The following PCDH15 variants were observed in gnomAD, a reference collection of about 807,000 sequenced individuals.
The protein encoded by PCDH15 is protocadherin-15.
Under a neutral mutation model 178.5 loss-of-function variants are expected in PCDH15, and 129 were observed. That is an observed-to-expected ratio of 0.72 (90% confidence interval 0.63 to 0.84). The LOEUF (loss-of-function observed/expected upper bound fraction) is 0.84, where lower values mean the gene tolerates loss of function less well. Ranked by LOEUF, PCDH15 falls within the 40% of genes least tolerant of loss-of-function variation. PCDH15 has a pLI of 0.00. For synonymous variants in PCDH15, 800 were observed against 732.0 expected (o/e 1.09, Z -1.50); for missense variants, 2,230 against 2,099.9 (o/e 1.06, Z -1.21).
chr10:55,417,774 A>C (rs1003170463), intron 2 of PCDH15, among the ~76,000 whole-genome samples: 1 of 151,458 alleles, frequency 6.6e-6, no homozygotes, highest in African/African-American at 2.4e-5. Flanking sequence ...GAAAAAAAAA[A>C]CAAGTGAGAT....
intron 1 of PCDH15, among the ~76,000 whole-genome samples, chr10:54,728,501 T>C (rs1942893049): frequency 6.6e-6 from 1 of 151,340 alleles, no homozygotes. Flanking sequence ...CGGCACATGC[T>C]GGAAGAATTC....
chr10:54,849,271 GTCT>G (rs1953569309), intron 3 of PCDH15, among the ~76,000 whole-genome samples: 1 of 152,044 alleles, frequency 6.6e-6, no homozygotes, highest in South Asian at 2.1e-4. Flanking sequence ...ACCTTTCTGT[GTCT>G]TCTTCTGCTT....
At chr10:55,129,624 C>T (rs1431120453) in intron 2 of PCDH15, among the ~76,000 whole-genome samples, 1 of 152,056 alleles carries the variant, frequency 6.6e-6, no homozygotes, top group Non-Finnish European at 1.5e-5. Flanking sequence ...GATAATTAAC[C>T]TCCTTTCCAA....
intron 21 of PCDH15, among the ~76,000 whole-genome samples, chr10:53,989,649 C>T (rs1460542278): frequency 2.0e-5 from 3 of 152,082 alleles, no homozygotes; most frequent in Non-Finnish European, 4.4e-5. Flanking sequence ...TTGATTATTT[C>T]CCTAACAGCT....
intron 2 of PCDH15, among the ~76,000 whole-genome samples, chr10:55,124,254 G>T (rs926498538): frequency 1.3e-5 from 2 of 152,062 alleles, no homozygotes. Context: ...TAAAGGCACA[G>T]AATTACATAG....
rs1010358374 is a variant in PCDH15 at position 53,982,473 on chromosome 10, T to A, written c.2868+13176A>T. Among the ~76,000 whole-genome samples, 40 of 152,198 alleles carry A rather than the reference T, an allele frequency of 2.6e-4. 1 individual carries two copies. The highest frequency in any genetic ancestry group is 2.3e-3 in the Admixed American group (35 of 15,280). Reference sequence around the variant, plus strand: ...AAGAAACTGTGGCACATATACAGCATGGAATACTATGCAGCCATAAAAAAT... The same window carrying A: ...AAGAAACTGTGGCACATATACAGCAAGGAATACTATGCAGCCATAAAAAAT... On this transcript the variant is annotated intron_variant, in intron 21 of 37. Coordinates refer to ENST00000644397, the MANE Select transcript of PCDH15 (RefSeq NM_001384140.1).
intron 26 of PCDH15, among the ~76,000 whole-genome samples, chr10:53,888,953 G>A (rs192953369): frequency 1.4e-5 from 2 of 144,868 alleles, no homozygotes; most frequent in East Asian, 2.0e-4. Context: ...GAGAGAACAC[G>A]TCAAGTAGAG....
intron 2 of PCDH15, among the ~76,000 whole-genome samples, chr10:54,957,201 GT>G (rs1463700041): frequency 5.3e-5 from 8 of 151,594 alleles, no homozygotes; most frequent in East Asian, 1.9e-4. Flanking sequence ...TCAAACTAAA[GT>G]ATATGAATTG....
intron 1 of PCDH15, among the ~76,000 whole-genome samples, chr10:55,302,904 T>C (rs1371150122): frequency 2.6e-5 from 4 of 152,146 alleles, no homozygotes; most frequent in Non-Finnish European, 5.9e-5. Context: ...CAACCACAAA[T>C]GCACTAACTC....
chr10:55,466,838 G>C (rs529444063), intron 2 of PCDH15, among the ~76,000 whole-genome samples: 7 of 152,036 alleles, frequency 4.6e-5, no homozygotes, highest in Non-Finnish European at 1.0e-4. Flanking sequence ...TCCCACTATG[G>C]GCAATCTTTG....
chr10:54,698,748 T>C (rs1213737680), intron 1 of PCDH15, among the ~76,000 whole-genome samples: 1 of 152,156 alleles, frequency 6.6e-6, no homozygotes, highest in Non-Finnish European at 1.5e-5. Context: ...TCTAACATTA[T>C]GCCTGGCACA....
intron 1 of PCDH15, among the ~76,000 whole-genome samples, chr10:55,216,408 C>G (rs1040301414): frequency 6.6e-6 from 1 of 151,782 alleles, no homozygotes; most frequent in Non-Finnish European, 1.5e-5. Flanking sequence ...TTTACAAATA[C>G]GGTATACACC....
intron 1 of PCDH15, among the ~76,000 whole-genome samples, chr10:55,230,213 G>A (rs1564913196): frequency 6.6e-6 from 1 of 151,814 alleles, no homozygotes; most frequent in African/African-American, 2.4e-5. Context: ...TGATTTATTT[G>A]GAATAGAGTT....
At chr10:55,175,193 A>C (rs1391657809) in intron 1 of PCDH15, among the ~76,000 whole-genome samples, 1 of 152,186 alleles carries the variant, frequency 6.6e-6, no homozygotes, top group African/African-American at 2.4e-5. Context: ...CGGAGGGCTT[A>C]TGAAGGACTA....
At chr10:54,908,624 A>C (rs1954766877) in intron 2 of PCDH15, among the ~76,000 whole-genome samples, 2 of 152,326 alleles carry the variant, frequency 1.3e-5, no homozygotes, top group South Asian at 4.1e-4. Context: ...CTTGTCCTGC[A>C]TCCAGGAAGA....
chr10:54,288,576 A>C (rs1471678198), intron 8 of PCDH15, among the ~76,000 whole-genome samples: 2 of 152,186 alleles, frequency 1.3e-5, no homozygotes, highest in Non-Finnish European at 2.9e-5. Context: ...TCACCCAGGA[A>C]GCACAAGGGG....
At chr10:54,272,014 A>AT (rs1368016227) in intron 8 of PCDH15, among the ~76,000 whole-genome samples, 6 of 144,984 alleles carry the variant, frequency 4.1e-5, no homozygotes, top group Non-Finnish European at 6.0e-5. Flanking sequence ...TATATCATAT[A>AT]TATATATTTT....
At chr10:54,025,137 G>A (rs1018719993) in intron 18 of PCDH15, among the ~76,000 whole-genome samples, 14 of 152,068 alleles carry the variant, frequency 9.2e-5, no homozygotes, top group South Asian at 2.1e-4. Context: ...CTGTGTGTCC[G>A]TGTGTTTTAT....
intron 1 of PCDH15, among the ~76,000 whole-genome samples, chr10:55,204,713 T>C (rs1840348215): frequency 6.6e-6 from 1 of 152,006 alleles, no homozygotes; most frequent in South Asian, 2.1e-4. Context: ...CTGCAAACAG[T>C]CACTGGTATC....
Sources: gnomAD v4.1 joint callset for allele counts (sites outside exome capture counted in the v4.1 genomes callset) on GRCh38, gnomAD v4.1.1 for gene constraint, MANE v1.5 for transcripts, NCBI Gene and HGNC (gene_info 2026-07-23, HGNC 2026-07-21) for gene names.